The following SSH1 variants were observed in gnomAD, a reference collection of about 807,000 sequenced individuals.
SSH1 encodes protein phosphatase Slingshot homolog 1.
Under a neutral mutation model 79.7 loss-of-function variants are expected in SSH1, and 43 were observed. The observed-to-expected ratio is 0.54, with a 90% CI of 0.42 to 0.70. The LOEUF is 0.70. Among genes scored for constraint, SSH1 ranks in the 30% least tolerant of loss-of-function variants. The pLI is 0.00. For missense variants in SSH1, 1,206 were observed against 1,358.8 expected, an observed-to-expected ratio of 0.89 and a Z score of 1.77; for synonymous variants, 599 against 538.3, an observed-to-expected ratio of 1.11 and a Z score of -1.56.
chr12:108,856,427 G>C (rs1042514646), intron 1 of SSH1, among the ~76,000 whole-genome samples: 1 of 152,198 alleles, frequency 6.6e-6, no homozygotes, highest in African/African-American at 2.4e-5. Flanking sequence ...ACAAAAACGC[G>C]CACAGTGCCA....
chr12:108,857,325 G>A lies in SSH1; in HGVS notation c.69+103C>T, dbSNP rs996133260. 21 of 656,974 alleles carry A rather than the reference G, an allele frequency of 3.2e-5. No individual in the cohort carries two copies. Among genetic ancestry groups the A allele is most frequent in the East Asian group, 1.4e-4 (1 of 7,214 alleles). The allele number at this position is 656,974 out of a possible 1,614,324, so 40.7% of individuals were successfully genotyped here. ...TGTTCCTACGGCGGGGCCCCGAGGA[G>A]CCCGCGCAGCCGCCCCCCTGCCCCG... On this transcript the variant is annotated intron_variant, in intron 1 of 14. Coordinates refer to ENST00000326495, the MANE Select transcript of SSH1 (RefSeq NM_018984.4). This position sits in a 1 kb window ranked among gnomAD's most constrained non-coding sequence, Gnocchi z 4.7.
chr12:108,803,881 T>A (rs2037143658), intron 10 of SSH1, among the ~76,000 whole-genome samples: 1 of 152,220 alleles, frequency 6.6e-6, no homozygotes. Context: ...AAAATATACA[T>A]ATCTACTTAT....
intron 2 of SSH1, among the ~76,000 whole-genome samples, chr12:108,846,023 A>AG (rs2038891825): frequency 6.6e-6 from 1 of 152,156 alleles, no homozygotes; most frequent in South Asian, 2.1e-4. Flanking sequence ...ACTGTAGGGG[A>AG]GGGGGTGAAG....
chr12:108,799,047 C>T lies in SSH1; in HGVS notation c.1302G>A (p.Ala434=), dbSNP rs775780467. ...ACTCAGACAGCTGCCTCATAAAGCC[C>T]GCGTTGGGGCGCGTGATGCTGCGCT... is the stretch of plus-strand genomic sequence containing the variant. ...KQKRSITRPN[A]GFMRQLSEYE... is the part of the protein sequence containing the mutation. The change falls in exon 13 of 15, where the codon GCG becomes GCA. Residue 434 remains alanine, a synonymous_variant. Coordinates refer to ENST00000326495, the MANE Select transcript of SSH1 (RefSeq NM_018984.4). 7 of 1,613,934 alleles carry T rather than the reference C, an allele frequency of 4.3e-6. No homozygotes were observed. The East Asian group carries it at 6.7e-5, about 15-fold the overall frequency.
At chr12:108,856,919 G>T (rs2039155705) in intron 1 of SSH1, among the ~76,000 whole-genome samples, 1 of 152,202 alleles carries the variant, frequency 6.6e-6, no homozygotes, top group Admixed American at 6.5e-5. Flanking sequence ...CTCACAAATG[G>T]GAGTCCCGAC....
chr12:108,855,427 G>A (rs1213294038), intron 1 of SSH1, among the ~76,000 whole-genome samples: 1 of 152,118 alleles, frequency 6.6e-6, no homozygotes, highest in Non-Finnish European at 1.5e-5. Flanking sequence ...AGATGGTGGT[G>A]GTTGCACAAT....
intron 14 of SSH1, 60 bp from the exon 15 acceptor site, chr12:108,789,304 A>C: frequency 1.3e-6 from 2 of 1,535,476 alleles, no homozygotes; most frequent in Non-Finnish European, 1.8e-6. Context: ...AAGACCAAAA[A>C]CATGAGGGTG....
intron 9 of SSH1, among the ~76,000 whole-genome samples, chr12:108,806,052 GC>G (rs1266631338): frequency 6.6e-6 from 1 of 152,078 alleles, no homozygotes; most frequent in Non-Finnish European, 1.5e-5. Context: ...TATAGGTGAG[GC>G]TCACAAAGGT....
intron 3 of SSH1, among the ~76,000 whole-genome samples, chr12:108,822,799 T>C (rs1470120449): frequency 6.6e-6 from 1 of 152,248 alleles, no homozygotes; most frequent in East Asian, 1.9e-4. Flanking sequence ...ACAGTGTCTA[T>C]CTCAGAGTTG....
intron 9 of SSH1, among the ~76,000 whole-genome samples, 159 bp from the exon 10 acceptor site, chr12:108,805,343 C>A (rs964867243): frequency 2.0e-5 from 3 of 152,152 alleles, no homozygotes; most frequent in Non-Finnish European, 4.4e-5. Context: ...AACATACATG[C>A]GTGGGTGGCA....
intron 5 of SSH1, among the ~76,000 whole-genome samples, chr12:108,816,420 C>T (rs549397742): frequency 6.6e-6 from 1 of 152,366 alleles, no homozygotes; most frequent in South Asian, 2.1e-4. Flanking sequence ...AATGATCTCA[C>T]AGGCATTCAT....
chr12:108,825,133 T>C (rs144183045), intron 2 of SSH1, among the ~76,000 whole-genome samples: 2 of 152,322 alleles, frequency 1.3e-5, no homozygotes, highest in East Asian at 3.9e-4. Context: ...TAGGCAACTA[T>C]AAAAATTTCG....
intron 3 of SSH1, among the ~76,000 whole-genome samples, chr12:108,819,452 C>G (rs1355281307): frequency 1.3e-5 from 2 of 152,150 alleles, no homozygotes; most frequent in African/African-American, 4.8e-5. Flanking sequence ...AGGTGTGACT[C>G]CAAGGTTGCT....
At position 108,786,319 on chromosome 12, in the gene SSH1, A is replaced by G. The variant is rs1234919492; in HGVS notation, c.*1669T>C. The G allele has an allele frequency of 6.6e-6, 1 of 152,028 alleles. No homozygotes were observed. Among genetic ancestry groups the G allele is most frequent in the Admixed American group, 6.6e-5 (1 of 15,252 alleles). The allele number at this position is 152,028 out of a possible 1,614,324, so 9.4% of individuals were successfully genotyped here. On this transcript the variant is annotated 3_prime_UTR_variant, in exon 15 of 15. Transcript: ENST00000326495. ...CTGCCTTCCCCCATGTACGCAACCT[A>G]CTCCATCCTGCACAGGTGAGGCTAG...
chr12:108,805,251 T>TA lies in SSH1; in HGVS notation c.826-68dup. ...AAACAATCGTCCACCTCAAAAGAATTAAAGTTACAATGGAAACTGTGCCTA... is the reference window on the plus strand; with the variant it reads ...AAACAATCGTCCACCTCAAAAGAATTAAAAGTTACAATGGAAACTGTGCCTA... On this transcript the variant is annotated intron_variant, in intron 9 of 14. Transcript: ENST00000326495. 1.9e-6 allele frequency: 3 copies of TA among 1,566,914 alleles called. No homozygotes were observed. The South Asian group carries it at 3.4e-5, about 18-fold the overall frequency.
At position 108,780,312 on chromosome 12, in the gene SSH1, G is replaced by A. The variant is rs1458927501; in HGVS notation, c.*7676C>T. 3 of 152,170 alleles carry A rather than the reference G, an allele frequency of 2.0e-5. No individual in the cohort carries two copies. The highest frequency in any genetic ancestry group is 4.4e-5 in the Non-Finnish European group (3 of 68,038). 9.4% of individuals were successfully genotyped at this position (152,170 alleles called of 1,614,324 possible). On this transcript the variant is annotated 3_prime_UTR_variant, in exon 15 of 15. Transcript: ENST00000326495. ...CACCTCCACTGTAGATGTGATCTGG[G>A]ATCGTGCCCAACCGCGAGACAGTTA...
rs1456055798 is a variant in SSH1, at chr12:108,811,276, G to A, written c.454C>T (p.His152Tyr). The change falls in exon 6 of 15, where the codon CAC becomes TAC. Residue 152 changes from histidine (H) to tyrosine (Y), a missense_variant. By Grantham distance (83) the His-to-Tyr change is moderately conservative. Transcript: ENST00000326495. ...VLRLWSDTKI[H>Y]LDGDGGFSVS... The stretch of plus-strand genomic sequence containing the variant: ...CCTCCTTACCCATCTCCATCAAGGT[G>A]GATTTTCGTGTCGCTCCACAGTCGG... 6.2e-7 allele frequency: 1 copy of A among 1,614,188 alleles called. No individual in the cohort carries two copies. The highest frequency in any genetic ancestry group is 1.7e-5 in the Admixed American group (1 of 60,022).
In SSH1 at chr12:108,782,863, T is replaced by C. The variant is rs960723162; in HGVS notation, c.*5125A>G. The C allele has an allele frequency of 6.6e-6, 1 of 151,542 alleles. No individual in the cohort carries two copies. The highest frequency in any genetic ancestry group is 1.5e-5 in the Non-Finnish European group (1 of 67,892). 9.4% of individuals were successfully genotyped at this position (151,542 alleles called of 1,614,324 possible). ...TTTAAAAAAACAAGAAGAAAAACAA[T>C]AAAAAAAATCATCGATATCTTAACG... is the stretch of plus-strand genomic sequence containing the variant. On this transcript the variant is annotated 3_prime_UTR_variant, in exon 15 of 15. Transcript: ENST00000326495.
intron 14 of SSH1, 165 bp downstream of exon 14, chr12:108,792,121 A>G (rs777043496): frequency 1.1e-5 from 17 of 1,484,936 alleles, no homozygotes; most frequent in Non-Finnish European, 9.0e-7. Flanking sequence ...AAGAACCCTC[A>G]GGTCCCTGGA....
Sources: allele counts gnomAD v4.1 joint callset (sites outside exome capture counted in the v4.1 genomes callset), GRCh38; gene constraint gnomAD v4.1.1; non-coding constraint Gnocchi (gnomAD v3.1); transcripts MANE v1.5; gene names NCBI Gene and HGNC (gene_info 2026-07-23, HGNC 2026-07-21).